RGS22: variants seen among roughly 807,000 people sequenced by gnomAD.
The protein encoded by RGS22 is regulator of G-protein signaling 22.
Under a neutral mutation model 172.9 loss-of-function variants are expected in RGS22, and 148 were observed. The ratio of observed to expected loss-of-function variants is 0.86; its 90% CI spans 0.75 to 0.98. The LOEUF (loss-of-function observed/expected upper bound fraction) is 0.98. RGS22 is among the 50% of genes least tolerant of loss of function. The pLI, the probability that RGS22 is intolerant of heterozygous loss-of-function variation, is 0.00. For synonymous variants in RGS22, 458 were observed against 480.2 expected (o/e 0.95, Z 0.60); for missense variants, 1,347 against 1,440.8 (o/e 0.93, Z 1.05).
At chr8:100,094,142 T>C (rs1812791208) in intron 2 of RGS22, among the ~76,000 whole-genome samples, 1 of 152,194 alleles carries the variant, frequency 6.6e-6, no homozygotes, top group African/African-American at 2.4e-5. Context: ...ATAGCCACTT[T>C]TCAAATTGGC....
intron 10 of RGS22, among the ~76,000 whole-genome samples, chr8:100,052,140 C>A (rs1296428749): frequency 8.8e-5 from 5 of 56,912 alleles, no homozygotes; most frequent in East Asian, 4.7e-4. Flanking sequence ...AATATATAAA[C>A]ATATATTAAT....
At chr8:100,066,044 G>A in intron 7 of RGS22, 123 bp downstream of exon 7, 1 of 766,350 alleles carries the variant, frequency 1.3e-6, no homozygotes, top group Non-Finnish European at 1.9e-6. Flanking sequence ...GAAGTCGAGT[G>A]AGGCAAAGCG....
chr8:100,085,996 A>T (rs74625974), intron 3 of RGS22, among the ~76,000 whole-genome samples: 2,993 of 152,296 alleles, frequency 0.02, 52 homozygotes, highest in Non-Finnish European at 0.031. Flanking sequence ...TTAACTATTA[A>T]TATATTCTGG....
At chr8:100,007,410 C>T (rs1382688571) in intron 15 of RGS22, among the ~76,000 whole-genome samples, 6 of 152,122 alleles carry the variant, frequency 3.9e-5, no homozygotes, top group African/African-American at 1.4e-4. Context: ...AGCATTGAGG[C>T]TTAAAATGAC....
At chr8:100,051,865 G>T (rs1273858379) in intron 10 of RGS22, among the ~76,000 whole-genome samples, 14 of 34,730 alleles carry the variant, frequency 4.0e-4, no homozygotes, top group East Asian at 2.6e-3. Context: ...ATATATAAAT[G>T]TTTATATATT....
At chr8:100,022,985 C>T (rs1421898095) in intron 14 of RGS22, among the ~76,000 whole-genome samples, 1 of 151,954 alleles carries the variant, frequency 6.6e-6, no homozygotes, top group African/African-American at 2.4e-5. Flanking sequence ...GTGCCTTGGC[C>T]TCCCAAAATG....
chr8:99,973,218 T>A (rs1487270390), intron 23 of RGS22, among the ~76,000 whole-genome samples: 6 of 152,142 alleles, frequency 3.9e-5, no homozygotes, highest in Admixed American at 2.0e-4. Context: ...TGCACAGGTA[T>A]GTTTATTGCA....
chr8:99,975,615 A>C (rs1563563605), intron 23 of RGS22, among the ~76,000 whole-genome samples: 6 of 152,102 alleles, frequency 3.9e-5, no homozygotes, highest in Non-Finnish European at 8.8e-5. Flanking sequence ...AAAAAAAAAA[A>C]AGAAATTTGG....
chr8:100,074,973 T>C (rs1465938898), intron 4 of RGS22, among the ~76,000 whole-genome samples: 2 of 152,098 alleles, frequency 1.3e-5, no homozygotes, highest in African/African-American at 4.8e-5. Flanking sequence ...AGTTTCACCA[T>C]GTTAGCCAGG....
At chr8:100,028,215 T>A (rs1403278584) in intron 14 of RGS22, among the ~76,000 whole-genome samples, 1 of 152,138 alleles carries the variant, frequency 6.6e-6, no homozygotes, top group Non-Finnish European at 1.5e-5. Flanking sequence ...CTCAGTACAT[T>A]TCTTAACCAT....
intron 11 of RGS22, 114 bp from the exon 12 acceptor site, chr8:100,042,030 A>G: frequency 1.7e-6 from 1 of 596,314 alleles, no homozygotes; most frequent in Non-Finnish European, 3.0e-6. Flanking sequence ...ACTTCTGAGC[A>G]ATGTGACTCA....
chr8:100,013,495 G>A (rs1026304579), intron 14 of RGS22, among the ~76,000 whole-genome samples: 6 of 151,960 alleles, frequency 3.9e-5, no homozygotes, highest in African/African-American at 9.7e-5. Context: ...GATTATCTAC[G>A]TGTGATTTAG....
At chr8:100,055,772 C>T (rs920776054) in intron 9 of RGS22, among the ~76,000 whole-genome samples, 4 of 152,150 alleles carry the variant, frequency 2.6e-5, no homozygotes, top group African/African-American at 9.7e-5. Flanking sequence ...TTGTTTTCTA[C>T]CATGATTGTG....
chr8:100,025,312 G>C (rs367916343), intron 14 of RGS22, among the ~76,000 whole-genome samples: 2 of 152,244 alleles, frequency 1.3e-5, no homozygotes, highest in East Asian at 3.9e-4. Context: ...CCATCTCTCT[G>C]GTAACAAAAA....
rs2131607301 is a variant in RGS22 at position 100,041,787 on chromosome 8, C to T, written c.1938+15G>A. Reference sequence around the variant, plus strand: ...AAATGAAGAATCAGGTTTATTCAGTCCTCAAAACACTCACCCTAGGTTCTT... The same window carrying T: ...AAATGAAGAATCAGGTTTATTCAGTTCTCAAAACACTCACCCTAGGTTCTT... On this transcript the variant is annotated intron_variant, in intron 12 of 27. Coordinates refer to ENST00000360863, the MANE Select transcript of RGS22 (RefSeq NM_015668.5). 1 of 1,415,140 alleles carries T rather than the reference C, an allele frequency of 7.1e-7. No homozygotes were observed. Among genetic ancestry groups the T allele is most frequent in the Non-Finnish European group, 1.0e-6 (1 of 1,002,292 alleles). The allele number at this position is 1,415,140 out of a possible 1,614,324, so 87.7% of individuals were successfully genotyped here.
intron 21 of RGS22, among the ~76,000 whole-genome samples, chr8:99,986,278 A>G (rs1813091076): frequency 6.6e-6 from 1 of 152,180 alleles, no homozygotes; most frequent in African/African-American, 2.4e-5. Flanking sequence ...GAATAGTACA[A>G]AAACTGTTGA....
chr8:99,992,470 G>C (rs960840396), intron 20 of RGS22, among the ~76,000 whole-genome samples: 8 of 152,156 alleles, frequency 5.3e-5, no homozygotes, highest in Admixed American at 2.0e-4. Flanking sequence ...TGCAATCCTA[G>C]TCTCTGATAA....
chr8:100,087,405 T>C (rs1563719937), intron 3 of RGS22, among the ~76,000 whole-genome samples: 1 of 152,150 alleles, frequency 6.6e-6, no homozygotes, highest in South Asian at 2.1e-4. Flanking sequence ...AACTTTGTAG[T>C]ACTAGTCATC....
At chr8:100,068,345 T>C (rs1179286429) in intron 6 of RGS22, among the ~76,000 whole-genome samples, 1 of 152,146 alleles carries the variant, frequency 6.6e-6, no homozygotes, top group East Asian at 1.9e-4. Flanking sequence ...GATTGCATCA[T>C]TGCACTCTGG....
Sources: gnomAD v4.1 joint callset for allele counts (sites outside exome capture counted in the v4.1 genomes callset) on GRCh38, gnomAD v4.1.1 for gene constraint, MANE v1.5 for transcripts, NCBI Gene and HGNC (gene_info 2026-07-23, HGNC 2026-07-21) for gene names.